TMOD3: variants seen among roughly 807,000 people sequenced by gnomAD.
TMOD3 encodes tropomodulin 3, also known as tropomodulin-3.
Under a neutral mutation model 39.2 loss-of-function variants are expected in TMOD3, and 20 were observed. That is an observed-to-expected ratio of 0.51 (90% CI 0.36 to 0.74). TMOD3 has a LOEUF of 0.74. TMOD3 is among the 30% of genes least tolerant of loss of function. The probability of loss-of-function intolerance (pLI) is 0.00; values close to 1 mark genes in which losing one functional copy is unlikely to be tolerated. For missense variants in TMOD3, 381 were observed against 412.8 expected (o/e 0.92, Z 0.67); for synonymous variants, 143 against 145.8 (o/e 0.98, Z 0.14).
At chr15:51,864,487 GAC>G (rs1354358124) in intron 2 of TMOD3, among the ~76,000 whole-genome samples, 1 of 152,024 alleles carries the variant, frequency 6.6e-6, no homozygotes, top group Non-Finnish European at 1.5e-5. Flanking sequence ...GGTAATGGAT[GAC>G]ACACACTGAA....
chr15:51,874,359 G>C (rs1175498479), intron 3 of TMOD3, among the ~76,000 whole-genome samples: 1 of 152,194 alleles, frequency 6.6e-6, no homozygotes, highest in African/African-American at 2.4e-5. Context: ...ATTAAGTGAA[G>C]CTCAAGGCCT....
chr15:51,871,907 G>A (rs745559143), intron 3 of TMOD3, among the ~76,000 whole-genome samples: 19 of 151,954 alleles, frequency 1.3e-4, no homozygotes, highest in Non-Finnish European at 2.1e-4. Flanking sequence ...TAATACATTC[G>A]GTATTTTTAC....
At chr15:51,865,384 A>G (rs1234735068) in intron 2 of TMOD3, among the ~76,000 whole-genome samples, 1 of 152,206 alleles carries the variant, frequency 6.6e-6, no homozygotes, top group East Asian at 1.9e-4. Flanking sequence ...AATTAGGGAA[A>G]GAGCTGGGAC....
intron 7 of TMOD3, among the ~76,000 whole-genome samples, 200 bp downstream of exon 7, chr15:51,896,726 C>A (rs936296596): frequency 6.6e-6 from 1 of 152,044 alleles, no homozygotes; most frequent in African/African-American, 2.4e-5. Context: ...CCAGCTTCCC[C>A]CTCCTTCCTA....
rs142234981 is a variant in TMOD3 at position 51,839,669 on chromosome 15, C to T, written c.-75+9833C>T. On this transcript the variant is annotated intron_variant, in intron 1 of 9. Transcript: ENST00000308580. ...TCAAACAATCCTCCTGCCTCAGTCT[C>T]CCAAGTAGCTGGGACTACAATTTGT... 4.2e-3 allele frequency among the ~76,000 whole-genome samples: 639 copies of T among 152,216 alleles called. 5 individuals are homozygous for T. The highest frequency in any genetic ancestry group is 0.015 in the African/African-American group (615 of 41,538).
chr15:51,868,639 T>C (rs531450888), intron 2 of TMOD3, among the ~76,000 whole-genome samples: 15 of 152,356 alleles, frequency 9.8e-5, no homozygotes, highest in Admixed American at 6.5e-4. Flanking sequence ...CTAAAGATTG[T>C]TTTCTGCTAG....
chr15:51,913,163 CG>C lies in TMOD3; in HGVS notation c.*4357del, dbSNP rs2056719574. 1 of 151,946 alleles carries C rather than the reference CG, an allele frequency of 6.6e-6. No individual in the cohort carries two copies. The highest frequency in any genetic ancestry group is 1.5e-5 in the Non-Finnish European group (1 of 67,974). The allele number at this position is 151,946 out of a possible 1,614,324, so 9.4% of individuals were successfully genotyped here. A position where few individuals can be genotyped will look rare whatever the true frequency, so the allele number is the denominator to read the frequency against. ...TAACTTTTTGTATTTTTAATAGAGA[CG>C]GGGTTTCACCATGTTGGCCGGGCTG... is the stretch of plus-strand genomic sequence containing the variant. On this transcript the variant is annotated 3_prime_UTR_variant, in exon 10 of 10. Transcript: ENST00000308580.
At chr15:51,885,678 A>G (rs144508077) in intron 3 of TMOD3, among the ~76,000 whole-genome samples, 87 of 150,304 alleles carry the variant, frequency 5.8e-4, no homozygotes, top group Admixed American at 2.1e-3. Context: ...GGAGTCTCCT[A>G]TGTCCACCTC....
At chr15:51,874,983 T>G (rs2570258) in intron 3 of TMOD3, 70,763 of 151,998 alleles carry the variant, frequency 0.47, 16,674 homozygotes, top group Admixed American at 0.54. Flanking sequence ...GAATGCCCTT[T>G]TGTTCTTTCC....
At chr15:51,895,183 C>G (rs2056614308) in intron 6 of TMOD3, among the ~76,000 whole-genome samples, 2 of 151,218 alleles carry the variant, frequency 1.3e-5, no homozygotes. Context: ...AGGAAAGCCT[C>G]AGAGAAAGCT....
intron 3 of TMOD3, among the ~76,000 whole-genome samples, chr15:51,871,693 A>G (rs1353949222): frequency 6.6e-6 from 1 of 152,218 alleles, no homozygotes; most frequent in Non-Finnish European, 1.5e-5. Context: ...GAAAATAAGA[A>G]AATACAAGAG....
intron 7 of TMOD3, among the ~76,000 whole-genome samples, chr15:51,897,853 T>C (rs1386402317): frequency 6.6e-6 from 1 of 151,236 alleles, no homozygotes; most frequent in Non-Finnish European, 1.5e-5. Context: ...TAAACCTACC[T>C]TTGGCCCTAT....
intron 3 of TMOD3, among the ~76,000 whole-genome samples, chr15:51,880,180 A>G (rs2056525906): frequency 6.6e-6 from 1 of 152,166 alleles, no homozygotes; most frequent in African/African-American, 2.4e-5. Context: ...AGAAGTACAA[A>G]TATACTGTAT....
chr15:51,889,208 G>A (rs1159524006), intron 5 of TMOD3, 63 bp downstream of exon 5: 22 of 1,135,562 alleles, frequency 1.9e-5, no homozygotes, highest in Non-Finnish European at 2.9e-5. Flanking sequence ...TTTTCGCCTT[G>A]TGTCAGCTTA....
At chr15:51,861,279 A>G in intron 1 of TMOD3, 1 of 382,602 alleles carries the variant, frequency 2.6e-6, no homozygotes, top group South Asian at 2.5e-5. Flanking sequence ...GTGTTCCTGA[A>G]TTATCTCTGC....
intron 1 of TMOD3, chr15:51,861,048 T>A (rs1327722575): frequency 2.1e-5 from 15 of 713,758 alleles, no homozygotes. Context: ...ATTCTCAATC[T>A]CATCCTTCTT....
chr15:51,893,764 CA>C (rs11370809), intron 5 of TMOD3, 50 bp from the exon 6 acceptor site: 18,518 of 1,210,840 alleles, frequency 0.015, no homozygotes, highest in South Asian at 0.023. Context: ...GACTCCGTCT[CA>C]AAAAAAAAAA....
intron 1 of TMOD3, among the ~76,000 whole-genome samples, chr15:51,848,363 A>G (rs952462728): frequency 1.3e-5 from 2 of 152,196 alleles, no homozygotes; most frequent in Non-Finnish European, 2.9e-5. Flanking sequence ...AGCCTCAACA[A>G]TCCCAAGAAT....
At chr15:51,840,087 C>G (rs911448382) in intron 1 of TMOD3, among the ~76,000 whole-genome samples, 2 of 152,208 alleles carry the variant, frequency 1.3e-5, no homozygotes, top group African/African-American at 4.8e-5. Context: ...AAAGTGCTCA[C>G]AATCTATGGT....
Sources: allele counts gnomAD v4.1 joint callset (sites outside exome capture counted in the v4.1 genomes callset), GRCh38; gene constraint gnomAD v4.1.1; transcripts MANE v1.5; gene names NCBI Gene and HGNC (gene_info 2026-07-23, HGNC 2026-07-21).